Variants in THSD7B observed in about 807,000 individuals in gnomAD.
THSD7B encodes thrombospondin type 1 domain containing 7B.
In THSD7B, 138 loss-of-function variants were observed where a neutral mutation model predicts 213.6. The observed-to-expected ratio is 0.65, with a 90% confidence interval of 0.56 to 0.74. The LOEUF is 0.74. Among genes scored for constraint, THSD7B ranks in the 30% least tolerant of loss-of-function variants. The pLI is 0.00. For synonymous variants in THSD7B, 742 were observed against 687.0 expected, an observed-to-expected ratio of 1.08 and a Z score of -1.25; for missense variants, 1,931 against 1,991.5, an observed-to-expected ratio of 0.97 and a Z score of 0.58.
chr2:136,800,907 C>T (rs1269906563), intron 1 of THSD7B, among the ~76,000 whole-genome samples: 4 of 151,872 alleles, frequency 2.6e-5, no homozygotes, highest in African/African-American at 9.7e-5. Context: ...CTATGCAGTT[C>T]CCTGGAATGA....
In THSD7B at chr2:136,972,537, G is replaced by A. The variant is rs181903928; in HGVS notation, c.140-83883G>A. ...ACCACAAATATTAAGCCTATTTTAA[G>A]TAACATCATTATATTCCATTACAAT... On this transcript the variant is annotated intron_variant, in intron 2 of 27. Coordinates refer to ENST00000409968, the MANE Select transcript of THSD7B (RefSeq NM_001316349.2). Among the ~76,000 whole-genome samples, 288 of 152,260 alleles carry A rather than the reference G, an allele frequency of 1.9e-3. 2 individuals carry two copies. Among genetic ancestry groups the A allele is most frequent in the Middle Eastern group, 0.01 (3 of 294 alleles).
At chr2:137,583,807 T>G (rs920928840) in intron 17 of THSD7B, among the ~76,000 whole-genome samples, 14 of 152,178 alleles carry the variant, frequency 9.2e-5, no homozygotes, top group African/African-American at 3.4e-4. Flanking sequence ...GCTTAGATTC[T>G]CTTGGCAATG....
At chr2:137,545,650 G>A (rs1680693041) in intron 15 of THSD7B, among the ~76,000 whole-genome samples, 2 of 151,892 alleles carry the variant, frequency 1.3e-5, no homozygotes, top group African/African-American at 4.8e-5. Flanking sequence ...CTGCTAAGGA[G>A]TCATATTTTA....
intron 1 of THSD7B, among the ~76,000 whole-genome samples, chr2:136,848,608 G>C (rs1207764015): frequency 6.6e-6 from 1 of 152,104 alleles, no homozygotes; most frequent in Non-Finnish European, 1.5e-5. Context: ...GAATATATTT[G>C]TGAGGGGCAA....
intron 16 of THSD7B, among the ~76,000 whole-genome samples, chr2:137,566,301 C>T (rs1161092424): frequency 6.6e-6 from 1 of 152,204 alleles, no homozygotes; most frequent in Non-Finnish European, 1.5e-5. Context: ...CATTTGCTCA[C>T]ATGCAGTGGA....
chr2:137,245,680 A>ATACTCTAAACCCAGCCTAGTATGGG (rs2105068299), intron 10 of THSD7B, among the ~76,000 whole-genome samples: 1 of 152,290 alleles, frequency 6.6e-6, no homozygotes, highest in African/African-American at 2.4e-5. Context: ...TCACAACTGG[A>ATACTCTAAACCCAGCCTAGTATGGG]TACTCTAAAC....
At chr2:136,832,641 A>T (rs189433407) in intron 1 of THSD7B, among the ~76,000 whole-genome samples, 2 of 152,224 alleles carry the variant, frequency 1.3e-5, no homozygotes, top group African/African-American at 4.8e-5. Context: ...AGCTGTCCCC[A>T]GTGGTCCTCA....
Position 137,309,405 on chromosome 2 carries a change from C to A in THSD7B, c.2500+33379C>A, listed in dbSNP as rs72977606. On this transcript the variant is annotated intron_variant, in intron 12 of 27. Transcript: ENST00000409968. ...TTTTGTCACATATTTTGCAAATATGCTCCCAGTTTGATATTTATTTTTAAA... is the reference window on the plus strand; with the variant it reads ...TTTTGTCACATATTTTGCAAATATGATCCCAGTTTGATATTTATTTTTAAA... Among the ~76,000 whole-genome samples, 728 of 151,618 alleles carry A rather than the reference C, an allele frequency of 4.8e-3. 7 individuals are homozygous for A. Among genetic ancestry groups the A allele is most frequent in the African/African-American group, 0.017 (708 of 41,420 alleles).
rs149795010 is a variant in THSD7B at position 137,169,034 on chromosome 2, A to G, written c.1526-1707A>G. On this transcript the variant is annotated intron_variant, in intron 6 of 27. Transcript: ENST00000409968. ...CAGAAACCATTATTATTTTTTTTTTAACCGCTCTGATCTTAACCATGTCAA... is the reference window on the plus strand; with the variant it reads ...CAGAAACCATTATTATTTTTTTTTTGACCGCTCTGATCTTAACCATGTCAA... 2.7e-3 allele frequency among the ~76,000 whole-genome samples: 412 copies of G among 151,570 alleles called. 1 individual carries two copies. The highest frequency in any genetic ancestry group is 9.7e-3 in the African/African-American group (402 of 41,384).
chr2:137,642,713 G>A, intron 21 of THSD7B, 80 bp downstream of exon 21: 1 of 1,494,130 alleles, frequency 6.7e-7, no homozygotes, highest in East Asian at 2.3e-5. Context: ...TGCGCTGATG[G>A]AATAAATTTC....
chr2:137,587,769 G>A (rs1337978425), intron 17 of THSD7B, among the ~76,000 whole-genome samples: 1 of 152,218 alleles, frequency 6.6e-6, no homozygotes, highest in East Asian at 1.9e-4. Flanking sequence ...TCCCAGTTAG[G>A]CTACTCAGGG....
At chr2:136,974,934 A>G (rs755206722) in intron 2 of THSD7B, among the ~76,000 whole-genome samples, 4 of 151,568 alleles carry the variant, frequency 2.6e-5, no homozygotes, top group Non-Finnish European at 4.4e-5. Context: ...TTTGATTTAC[A>G]TTTCTCTAAG....
At chr2:137,397,613 C>T (rs1488152753) in intron 12 of THSD7B, among the ~76,000 whole-genome samples, 2 of 150,544 alleles carry the variant, frequency 1.3e-5, no homozygotes, top group Non-Finnish European at 3.0e-5. Context: ...TCCTTCATTT[C>T]AACTTTGGTG....
At chr2:136,878,829 T>C (rs1683568754) in intron 1 of THSD7B, among the ~76,000 whole-genome samples, 1 of 152,216 alleles carries the variant, frequency 6.6e-6, no homozygotes, top group African/African-American at 2.4e-5. Flanking sequence ...CTTTGTCAGA[T>C]GAGTAGATTG....
chr2:137,317,104 T>C (rs763944059), intron 12 of THSD7B, among the ~76,000 whole-genome samples: 2 of 152,194 alleles, frequency 1.3e-5, no homozygotes, highest in Non-Finnish European at 2.9e-5. Flanking sequence ...TTTTTCCTGG[T>C]GATGGAGACA....
chr2:137,075,637 G>C (rs372915108), intron 3 of THSD7B, among the ~76,000 whole-genome samples: 1 of 152,148 alleles, frequency 6.6e-6, no homozygotes, highest in South Asian at 2.1e-4. Context: ...GAGGAGCTGC[G>C]TTCCTTTGGA....
chr2:137,317,307 G>A (rs565965087), intron 12 of THSD7B, among the ~76,000 whole-genome samples: 4 of 152,170 alleles, frequency 2.6e-5, no homozygotes, highest in Non-Finnish European at 5.9e-5. Context: ...TGCTCAAATA[G>A]TGTTTGTTGA....
intron 2 of THSD7B, among the ~76,000 whole-genome samples, chr2:137,008,349 A>T (rs550612397): frequency 6.6e-6 from 1 of 152,290 alleles, no homozygotes; most frequent in South Asian, 2.1e-4. Flanking sequence ...AAAAAATTAA[A>T]TAAAAATAAG....
intron 14 of THSD7B, among the ~76,000 whole-genome samples, chr2:137,418,874 T>C (rs893672130): frequency 2.6e-5 from 4 of 152,004 alleles, no homozygotes; most frequent in African/African-American, 9.7e-5. Flanking sequence ...GTTCATTCTG[T>C]ATAGTGGCTG....
Sources: allele counts gnomAD v4.1 joint callset (sites outside exome capture counted in the v4.1 genomes callset), GRCh38; gene constraint gnomAD v4.1.1; transcripts MANE v1.5; gene names NCBI Gene and HGNC (gene_info 2026-07-23, HGNC 2026-07-21).